The following PDE1C variants were observed in gnomAD, a reference collection of about 807,000 sequenced individuals.
PDE1C encodes phosphodiesterase 1C.
A neutral mutation model predicts 93.1 loss-of-function variants in PDE1C; 62 were observed. That is an observed-to-expected ratio of 0.67 (90% CI 0.54 to 0.82). The LOEUF (loss-of-function observed/expected upper bound fraction) is 0.82. Among genes scored for constraint, PDE1C ranks in the 40% least tolerant of loss-of-function variants. PDE1C has a pLI of 0.00. For missense variants in PDE1C, 742 were observed against 884.6 expected (o/e 0.84, Z 2.04); for synonymous variants, 325 against 310.1 (o/e 1.05, Z -0.50).
At chr7:31,681,251 C>A in the PDE1C span, among the ~76,000 whole-genome samples, 1 of 152,138 alleles carries the variant, frequency 6.6e-6, no homozygotes, top group Non-Finnish European at 1.5e-5. Flanking sequence ...TCAATCCACA[C>A]AAAGGACTTT....
downstream of PDE1C, among the ~76,000 whole-genome samples, chr7:31,749,093 G>A (rs991946666): frequency 6.6e-6 from 1 of 152,126 alleles, no homozygotes; most frequent in African/African-American, 2.4e-5. Flanking sequence ...GGATGCTGGA[G>A]TGTCTGTTCT....
the PDE1C span, among the ~76,000 whole-genome samples, chr7:31,741,570 T>C: frequency 7.2e-3 from 1,090 of 152,338 alleles, 10 homozygotes; most frequent in African/African-American, 0.024. Context: ...TTTTCACATG[T>C]ATTTTCAGTT....
chr7:32,123,011 T>TA (rs1415425555), intron 3 of PDE1C, among the ~76,000 whole-genome samples: 2 of 151,868 alleles, frequency 1.3e-5, no homozygotes, highest in Admixed American at 6.6e-5. Flanking sequence ...ATAGACACAA[T>TA]AAAAAATGAT....
Position 31,774,912 on chromosome 7 carries a change from C to T in PDE1C, c.1960+752G>A, listed in dbSNP as rs150606904. Reference sequence around the variant, plus strand: ...TCATTTTTTAAATTTTCTTCAATGACGGTATTTATCTTTTATAATCTTTCC... The same window carrying T: ...TCATTTTTTAAATTTTCTTCAATGATGGTATTTATCTTTTATAATCTTTCC... On this transcript the variant is annotated intron_variant, in intron 17 of 17. Transcript: ENST00000396191. Among the ~76,000 whole-genome samples, 154 of 152,164 alleles carry T rather than the reference C, an allele frequency of 1.0e-3. 1 individual carries two copies. The highest frequency in any genetic ancestry group is 3.4e-3 in the African/African-American group (140 of 41,516).
At chr7:31,682,614 A>G in the PDE1C span, among the ~76,000 whole-genome samples, 1 of 152,102 alleles carries the variant, frequency 6.6e-6, no homozygotes, top group African/African-American at 2.4e-5. Context: ...CAGCAATTGC[A>G]CTCTTGATTA....
chr7:31,779,760 T>A (rs899175376), intron 16 of PDE1C, among the ~76,000 whole-genome samples: 1 of 152,198 alleles, frequency 6.6e-6, no homozygotes, highest in African/African-American at 2.4e-5. Flanking sequence ...ACTGAGGATG[T>A]GTTCTTGAAA....
chr7:31,656,406 C>T, the PDE1C span: 3 of 491,300 alleles, frequency 6.1e-6, no homozygotes, highest in African/African-American at 2.1e-5. Flanking sequence ...GAATCCTGTG[C>T]AGTGTTTAAT....
At chr7:31,889,614 T>C (rs892288390) in intron 2 of PDE1C, among the ~76,000 whole-genome samples, 1 of 152,212 alleles carries the variant, frequency 6.6e-6, no homozygotes, top group African/African-American at 2.4e-5. Context: ...CTCCTTGTTC[T>C]GCTCTACAGA....
the PDE1C span, among the ~76,000 whole-genome samples, chr7:31,620,695 C>T: frequency 6.6e-6 from 1 of 151,826 alleles, no homozygotes; most frequent in Non-Finnish European, 1.5e-5. Flanking sequence ...CTCTAAAAAG[C>T]AGAGCACCTC....
At chr7:32,090,441 G>A (rs1272430584) in intron 3 of PDE1C, among the ~76,000 whole-genome samples, 1 of 152,174 alleles carries the variant, frequency 6.6e-6, no homozygotes, top group Non-Finnish European at 1.5e-5. Context: ...AGAAGGCAAT[G>A]ACCTTGACAT....
the PDE1C span, among the ~76,000 whole-genome samples, chr7:31,702,592 T>C: frequency 3.9e-5 from 6 of 152,228 alleles, no homozygotes; most frequent in African/African-American, 1.4e-4. Context: ...AGTCACAGCA[T>C]GCAAATACCC....
At chr7:31,916,994 T>C (rs1583953674) in intron 2 of PDE1C, among the ~76,000 whole-genome samples, 2 of 152,224 alleles carry the variant, frequency 1.3e-5, no homozygotes, top group Admixed American at 6.5e-5. Flanking sequence ...CTGTATTCCA[T>C]AGCCCATCTA....
At chr7:32,212,713 A>G (rs142901389) in intron 1 of PDE1C, among the ~76,000 whole-genome samples, 4 of 151,882 alleles carry the variant, frequency 2.6e-5, no homozygotes, top group East Asian at 1.9e-4. Flanking sequence ...CCAACTCCTT[A>G]CTCATCCTTT....
At chr7:31,764,626 T>C (rs1015603836) in intron 17 of PDE1C, among the ~76,000 whole-genome samples, 1 of 152,200 alleles carries the variant, frequency 6.6e-6, no homozygotes, top group African/African-American at 2.4e-5. Context: ...GCGTTTATTA[T>C]GCCGAGTCAT....
At chr7:31,770,020 A>T (rs1391250485) in intron 17 of PDE1C, among the ~76,000 whole-genome samples, 1 of 152,160 alleles carries the variant, frequency 6.6e-6, no homozygotes, top group Non-Finnish European at 1.5e-5. Context: ...TTACATTCCC[A>T]CCAGCAACAT....
At position 31,842,132 on chromosome 7, in the gene PDE1C, G is replaced by A. The variant is rs147799545; in HGVS notation, c.981-4161C>T. The stretch of plus-strand genomic sequence containing the variant: ...TATCAGCACACACTGAGGCCCAGGC[G>A]AGTTGATACATAAAATTAACTATCA... On this transcript the variant is annotated intron_variant, in intron 9 of 17. Coordinates refer to ENST00000396191, the MANE Select transcript of PDE1C (RefSeq NM_001191057.4). Among the ~76,000 whole-genome samples, 841 of 152,122 alleles carry A rather than the reference G, an allele frequency of 5.5e-3. 6 individuals carry two copies. The highest frequency in any genetic ancestry group is 0.01 in the Middle Eastern group (3 of 294).
At chr7:32,236,544 T>C (rs1015110021) in intron 1 of PDE1C, among the ~76,000 whole-genome samples, 3 of 152,046 alleles carry the variant, frequency 2.0e-5, no homozygotes, top group African/African-American at 7.2e-5. Context: ...AAAAAGCACA[T>C]AAAAAGATGT....
At chr7:32,012,011 A>T (rs557968225) in intron 2 of PDE1C, among the ~76,000 whole-genome samples, 2 of 152,368 alleles carry the variant, frequency 1.3e-5, no homozygotes, top group South Asian at 4.1e-4. Flanking sequence ...GGAATGAACC[A>T]TTGATATATG....
At chr7:31,738,514 C>T in the PDE1C span, among the ~76,000 whole-genome samples, 1 of 152,188 alleles carries the variant, frequency 6.6e-6, no homozygotes, top group Middle Eastern at 3.2e-3. Flanking sequence ...CTGCTCTTGA[C>T]AGGTGGGGAT....
Sources: gnomAD v4.1 joint callset for allele counts (sites outside exome capture counted in the v4.1 genomes callset) on GRCh38, gnomAD v4.1.1 for gene constraint, MANE v1.5 for transcripts, NCBI Gene and HGNC (gene_info 2026-07-23, HGNC 2026-07-21) for gene names.